The following BCAS3 variants were observed in gnomAD, a reference collection of about 807,000 sequenced individuals.
The protein encoded by BCAS3 is BCAS3 microtubule associated cell migration factor.
A neutral mutation model predicts 116.1 loss-of-function variants in BCAS3; 53 were observed. The observed-to-expected ratio is 0.46, with a 90% CI of 0.37 to 0.57. The LOEUF (loss-of-function observed/expected upper bound fraction) is 0.57, where lower values mean the gene tolerates loss of function less well. Ranked by LOEUF, BCAS3 falls within the 20% of genes least tolerant of loss-of-function variation. BCAS3 has a pLI of 0.00. For synonymous variants in BCAS3, 391 were observed against 408.2 expected, an observed-to-expected ratio of 0.96 and a Z score of 0.51; for missense variants, 917 against 1,165.4, an observed-to-expected ratio of 0.79 and a Z score of 3.10.
At chr17:60,925,614 TA>T (rs1252322434) in intron 13 of BCAS3, among the ~76,000 whole-genome samples, 1 of 152,178 alleles carries the variant, frequency 6.6e-6, no homozygotes, top group Non-Finnish European at 1.5e-5. Context: ...TCTCTGCATT[TA>T]TTGACTGTTA....
chr17:61,226,653 A>G lies in BCAS3; in HGVS notation c.2426-141674A>G, dbSNP rs966477818. Among the ~76,000 whole-genome samples, 1 of 152,112 alleles carries G rather than the reference A, an allele frequency of 6.6e-6. No individual in the cohort carries two copies. Among genetic ancestry groups the G allele is most frequent in the Non-Finnish European group, 1.5e-5 (1 of 68,026 alleles). Reference sequence around the variant, plus strand: ...CAGATGCAAAATAGCTCCAGTACTCATGTGTATTTTCTGTATTTTTTCCTT... The same window carrying G: ...CAGATGCAAAATAGCTCCAGTACTCGTGTGTATTTTCTGTATTTTTTCCTT... On this transcript the variant is annotated intron_variant, in intron 22 of 23. Transcript: ENST00000407086. This position sits in a 1 kb window ranked among gnomAD's most constrained non-coding sequence, Gnocchi z 6.0.
At chr17:60,752,111 G>T (rs1354940400) in intron 6 of BCAS3, among the ~76,000 whole-genome samples, 2 of 151,428 alleles carry the variant, frequency 1.3e-5, no homozygotes, top group Non-Finnish European at 1.5e-5. Context: ...TATGTCCCAG[G>T]ACTGATTCAG....
intron 9 of BCAS3, among the ~76,000 whole-genome samples, chr17:60,888,574 T>C (rs1417788078): frequency 6.6e-6 from 1 of 152,206 alleles, no homozygotes; most frequent in Non-Finnish European, 1.5e-5. Context: ...CTACACAATT[T>C]ATATTACAGT....
chr17:61,128,475 T>A lies in BCAS3; in HGVS notation c.2425+43911T>A. On this transcript the variant is annotated intron_variant, in intron 22 of 23. Coordinates refer to ENST00000407086, the MANE Select transcript of BCAS3 (RefSeq NM_017679.5). This position sits in a 1 kb window ranked among gnomAD's most constrained non-coding sequence, Gnocchi z 4.1. ...AATAATAGATTTGGAGAATGTTCTG[T>A]GTTTTCAAAGACAGAGGTTAACAAG... The A allele has an allele frequency of 1.0e-6, 1 of 985,456 alleles. No homozygotes were observed. The highest frequency in any genetic ancestry group is 1.1e-4 in the East Asian group (1 of 8,814). The allele number at this position is 985,456 out of a possible 1,614,324, so 61.0% of individuals were successfully genotyped here.
At chr17:60,727,575 A>G in intron 5 of BCAS3, 2 of 948,700 alleles carry the variant, frequency 2.1e-6, no homozygotes, top group Admixed American at 5.3e-5. Context: ...CAGGAAAGGA[A>G]AAAACAGACT....
rs866144659 is a variant in BCAS3 at position 61,144,632 on chromosome 17, C to G, written c.2425+60068C>G. ...TTTATGATTGTTGATCCTCAATAGT[C>G]AAAAAAGTAGTCATTTAACAATACA... On this transcript the variant is annotated intron_variant, in intron 22 of 23. Transcript: ENST00000407086. This position sits in a 1 kb window ranked among gnomAD's most constrained non-coding sequence, Gnocchi z 5.0. Among the ~76,000 whole-genome samples, 1 of 152,066 alleles carries G rather than the reference C, an allele frequency of 6.6e-6. No homozygotes were observed. Among genetic ancestry groups the G allele is most frequent in the Non-Finnish European group, 1.5e-5 (1 of 68,006 alleles).
rs2061465479 is a variant in BCAS3 at position 60,962,583 on chromosome 17, A to G, written c.1221+15231A>G. Among the ~76,000 whole-genome samples, 1 of 150,944 alleles carries G rather than the reference A, an allele frequency of 6.6e-6. No individual in the cohort carries two copies. The highest frequency in any genetic ancestry group is 6.6e-5 in the Admixed American group (1 of 15,154). On this transcript the variant is annotated intron_variant, in intron 14 of 23. Transcript: ENST00000407086. This position sits in a 1 kb window ranked among gnomAD's most constrained non-coding sequence, Gnocchi z 4.4. Reference sequence around the variant, plus strand: ...TGGATTTTGCCCATTTTAAAATTGGATTATTTGGGGGTTTTTGCTATTGAG... The same window carrying G: ...TGGATTTTGCCCATTTTAAAATTGGGTTATTTGGGGGTTTTTGCTATTGAG...
chr17:60,893,169 A>G (rs544549913), intron 10 of BCAS3, among the ~76,000 whole-genome samples: 2 of 152,106 alleles, frequency 1.3e-5, no homozygotes, highest in South Asian at 2.1e-4. Context: ...TAATTTACAA[A>G]TATTTTCTCC....
In BCAS3 at chr17:61,156,449, C is replaced by T. The variant is rs527828019; in HGVS notation, c.2425+71885C>T. Among the ~76,000 whole-genome samples, 4 of 152,210 alleles carry T rather than the reference C, an allele frequency of 2.6e-5. No homozygotes were observed. In the South Asian group the frequency reaches 6.2e-4, roughly 24 times the overall value. On this transcript the variant is annotated intron_variant, in intron 22 of 23. Coordinates refer to ENST00000407086, the MANE Select transcript of BCAS3 (RefSeq NM_017679.5). This position sits in a 1 kb window ranked among gnomAD's most constrained non-coding sequence, Gnocchi z 4.7. The stretch of plus-strand genomic sequence containing the variant: ...AAAATGAGATAGAGAAATGGAAATA[C>T]GTGCTTTGTGGAGGATCCTGTTTTC...
At chr17:60,803,066 G>A (rs1421131333) in intron 6 of BCAS3, among the ~76,000 whole-genome samples, 1 of 152,212 alleles carries the variant, frequency 6.6e-6, no homozygotes, top group Non-Finnish European at 1.5e-5. Flanking sequence ...TAAAGGATAA[G>A]GTTCTGGTGC....
chr17:60,989,015 A>C (rs915753325), intron 14 of BCAS3, among the ~76,000 whole-genome samples: 2 of 151,784 alleles, frequency 1.3e-5, no homozygotes, highest in Non-Finnish European at 2.9e-5. Context: ...TTAGGTGCTT[A>C]TAACTATAAA....
intron 7 of BCAS3, chr17:60,811,248 C>A: frequency 1.1e-6 from 1 of 895,780 alleles, no homozygotes. Context: ...CAGCGCCAGG[C>A]CCAGGAGTAG....
intron 6 of BCAS3, among the ~76,000 whole-genome samples, chr17:60,754,680 T>TACACACACACACAC (rs772900751): frequency 3.4e-5 from 5 of 145,376 alleles, no homozygotes; most frequent in African/African-American, 1.4e-4. Context: ...AAATTTAAAA[T>TACACACACACACAC]ACACACACAC....
At chr17:61,263,890 T>C (rs1264507687) in intron 22 of BCAS3, among the ~76,000 whole-genome samples, 1 of 152,190 alleles carries the variant, frequency 6.6e-6, no homozygotes, top group Admixed American at 6.5e-5. Flanking sequence ...ATTATCCACA[T>C]AGGAAAAACT....
chr17:61,128,086 A>T lies in BCAS3; in HGVS notation c.2425+43522A>T. On this transcript the variant is annotated intron_variant, in intron 22 of 23. Transcript: ENST00000407086. The surrounding 1 kb of genome is among the most constrained non-coding windows in gnomAD (Gnocchi z 4.1). ...GTGATTAAGGAGTTTGAATGTAATT[A>T]CCCAAAGTTTGGCTTTTCTTTTAAA... 1 of 597,540 alleles carries T rather than the reference A, an allele frequency of 1.7e-6. No individual in the cohort carries two copies. Among genetic ancestry groups the T allele is most frequent in the Non-Finnish European group, 2.1e-6 (1 of 476,200 alleles). 37.0% of individuals were successfully genotyped at this position (597,540 alleles called of 1,614,324 possible). A position where few individuals can be genotyped will look rare whatever the true frequency, so the allele number is the denominator to read the frequency against.
At chr17:60,686,826 G>A (rs564581421) in intron 3 of BCAS3, among the ~76,000 whole-genome samples, 75 of 152,138 alleles carry the variant, frequency 4.9e-4, no homozygotes, top group Middle Eastern at 6.8e-3. Flanking sequence ...GCACCTGGCC[G>A]AAAATTTATT....
chr17:60,904,972 C>T (rs1470674243), intron 11 of BCAS3, among the ~76,000 whole-genome samples: 1 of 152,154 alleles, frequency 6.6e-6, no homozygotes, highest in Non-Finnish European at 1.5e-5. Context: ...TATGCCTAAT[C>T]TGGTTTGATG....
intron 7 of BCAS3, among the ~76,000 whole-genome samples, chr17:60,842,049 A>G (rs2144764107): frequency 6.6e-6 from 1 of 152,346 alleles, no homozygotes; most frequent in South Asian, 2.1e-4. Flanking sequence ...TGTACACTTT[A>G]GATTTATATA....
chr17:60,770,400 CTTTTTTTTTTTTTTTTTTTTTTT>C (rs35691381), intron 6 of BCAS3, among the ~76,000 whole-genome samples: 32 of 76,896 alleles, frequency 4.2e-4, no homozygotes, highest in East Asian at 2.1e-3. Flanking sequence ...AGTGTTCCCT[CTTTTTTTTTTTTTTTTTTTTTTT>C]TTTTTTTTTT....
Sources: gnomAD v4.1 joint callset for allele counts (sites outside exome capture counted in the v4.1 genomes callset) on GRCh38, gnomAD v4.1.1 for gene constraint, Gnocchi (gnomAD v3.1) non-coding constraint, MANE v1.5 for transcripts, NCBI Gene and HGNC (gene_info 2026-07-23, HGNC 2026-07-21) for gene names.